The following SHISAL2A variants were observed in gnomAD, a reference collection of about 807,000 sequenced individuals.
SHISAL2A encodes the protein shisa like 2A, also known as protein shisa-like-2A.
SHISAL2A carries 18 observed loss-of-function variants against 11.5 expected under a neutral mutation model. That is an observed-to-expected ratio of 1.57 (90% confidence interval 1.08 to 2.33). The LOEUF (loss-of-function observed/expected upper bound fraction) is 2.33, where lower values mean the gene tolerates loss of function less well. SHISAL2A is among the 30% of genes most tolerant of loss of function. The pLI is 0.00. For missense variants in SHISAL2A, 261 were observed against 250.9 expected (o/e 1.04, Z -0.27); for synonymous variants, 94 against 99.6 (o/e 0.94, Z 0.34).
intron 4 of SHISAL2A, among the ~76,000 whole-genome samples, chr1:52,665,976 G>T (rs545654423): frequency 6.6e-6 from 1 of 152,204 alleles, no homozygotes; most frequent in Admixed American, 6.5e-5. Context: ...CTGGGCTGTG[G>T]ACTTGAGACC....
At chr1:52,654,816 C>T (rs1189331301) in intron 2 of SHISAL2A, among the ~76,000 whole-genome samples, 3 of 152,134 alleles carry the variant, frequency 2.0e-5, no homozygotes, top group Non-Finnish European at 2.9e-5. Flanking sequence ...AATTTTAATG[C>T]TGTGAAAGAT....
intron 2 of SHISAL2A, among the ~76,000 whole-genome samples, chr1:52,647,561 C>A (rs1362391471): frequency 2.6e-5 from 4 of 151,974 alleles, no homozygotes; most frequent in Non-Finnish European, 5.9e-5. Flanking sequence ...AATGATACAT[C>A]CAGGCCAGGC....
At chr1:52,651,532 C>T (rs769587502) in intron 2 of SHISAL2A, among the ~76,000 whole-genome samples, 15 of 151,940 alleles carry the variant, frequency 9.9e-5, no homozygotes, top group Middle Eastern at 3.2e-3. Flanking sequence ...CCACTGTGCC[C>T]GGCCCAACAA....
Position 52,633,505 on chromosome 1 carries a change from C to T in SHISAL2A, c.12C>T (p.Ala4=). The change falls in exon 1 of 3, where the codon GCC becomes GCT. Residue 4 remains alanine, a synonymous_variant. Transcript: ENST00000517870. The surrounding 1 kb of genome is among the most constrained non-coding windows in gnomAD (Gnocchi z 6.4). MSG[A]CTSYVSAEQE... is the part of the protein sequence containing the mutation. ...GGGCGCGGGGCGCGATGAGCGGCGC[C>T]TGCACGAGCTACGTGAGCGCAGAGC... 6 of 1,532,976 alleles carry T rather than the reference C, an allele frequency of 3.9e-6. No individual in the cohort carries two copies. The highest frequency in any genetic ancestry group is 5.2e-6 in the Non-Finnish European group (6 of 1,145,788). 95.0% of individuals were successfully genotyped at this position (1,532,976 alleles called of 1,614,324 possible). A position where few individuals can be genotyped will look rare whatever the true frequency, so the allele number is the denominator to read the frequency against.
downstream of SHISAL2A, among the ~76,000 whole-genome samples, chr1:52,661,847 C>T (rs573210218): frequency 2.6e-3 from 398 of 152,266 alleles, no homozygotes; most frequent in Non-Finnish European, 4.3e-3. Context: ...GCCTGGTCAA[C>T]ATGGTGAAAC....
At chr1:52,663,355 C>G (rs910931048) in intron 4 of SHISAL2A, among the ~76,000 whole-genome samples, 6 of 152,200 alleles carry the variant, frequency 3.9e-5, no homozygotes, top group African/African-American at 2.4e-5. Flanking sequence ...CCGCCCTCCC[C>G]GCAACCACCC....
chr1:52,645,396 C>CGTTTT (rs56655042), intron 2 of SHISAL2A, among the ~76,000 whole-genome samples: 13,130 of 150,236 alleles, frequency 0.087, 708 homozygotes, highest in African/African-American at 0.15. Context: ...GAGGCTTCAA[C>CGTTTT]GTTTTGTTTT....
chr1:52,648,075 C>CATATATAATTATATATTAACATATCTAAT (rs34263327), intron 2 of SHISAL2A, among the ~76,000 whole-genome samples: 1 of 146,992 alleles, frequency 6.8e-6, no homozygotes, highest in African/African-American at 2.5e-5. Context: ...ATTAATATAT[C>CATATATAATTATATATTAACATATCTAAT]ATATAATTAT....
Position 52,665,502 on chromosome 1 carries a change from T to C in SHISAL2A, n.696-1897T>C, listed in dbSNP as rs1415101004. Among the ~76,000 whole-genome samples, 3 of 152,116 alleles carry C rather than the reference T, an allele frequency of 2.0e-5. No individual in the cohort carries two copies. In the East Asian group the frequency reaches 5.8e-4, roughly 29 times the overall value. On this transcript the variant is annotated intron_variant and non_coding_transcript_variant, in intron 4 of 5. Coordinates refer to the SHISAL2A transcript ENST00000401050. ...ACAGCCTCATTATCATTCAGACTTATCATGAGCTCATCACCCTTCCTCCAA... is the reference window on the plus strand; with the variant it reads ...ACAGCCTCATTATCATTCAGACTTACCATGAGCTCATCACCCTTCCTCCAA...
rs1284657598 is a variant in SHISAL2A, at chr1:52,656,870, C to A, written c.403C>A (p.Gln135Lys). The A allele has an allele frequency of 6.2e-7, 1 of 1,614,062 alleles. No homozygotes were observed. The highest frequency in any genetic ancestry group is 1.3e-5 in the African/African-American group (1 of 74,914). ...AEVPKVSPLQ[Q>K]SYSCLNPQLE... ...AGTGCCAAAAGTGAGCCCTCTCCAG[C>A]AGAGTTACTCCTGCTTGAACCCGCA... The change falls in exon 3 of 3, where the codon CAG becomes AAG. Residue 135 changes from glutamine (Q) to lysine (K), a missense_variant. Physicochemically the swap from Gln to Lys is moderately conservative, Grantham distance 53 (BLOSUM62 1). Coordinates refer to ENST00000517870, the MANE Select transcript of SHISAL2A (RefSeq NM_001042693.3).
At chr1:52,662,913 A>T (rs1318302458) in intron 4 of SHISAL2A, among the ~76,000 whole-genome samples, 1 of 152,250 alleles carries the variant, frequency 6.6e-6, no homozygotes, top group Non-Finnish European at 1.5e-5. Context: ...TTATTCAAGC[A>T]CAGGGCAAAA....
intron 4 of SHISAL2A, among the ~76,000 whole-genome samples, chr1:52,663,080 A>T (rs1439770514): frequency 6.6e-6 from 1 of 152,168 alleles, no homozygotes; most frequent in East Asian, 1.9e-4. Context: ...TGGCTGCTGT[A>T]GGTTACCATG....
At chr1:52,649,975 A>G (rs764778851) in intron 2 of SHISAL2A, among the ~76,000 whole-genome samples, 30 of 152,124 alleles carry the variant, frequency 2.0e-4, no homozygotes, top group Non-Finnish European at 1.6e-4. Flanking sequence ...GCCCAGAGAG[A>G]GGCAGTCATG....
intron 2 of SHISAL2A, among the ~76,000 whole-genome samples, chr1:52,648,180 C>A (rs895295630): frequency 6.7e-6 from 1 of 149,460 alleles, no homozygotes; most frequent in Non-Finnish European, 1.5e-5. Context: ...TATATATATA[C>A]CCTGTTACTC....
At chr1:52,643,842 G>A (rs1691428072) in intron 2 of SHISAL2A, among the ~76,000 whole-genome samples, 1 of 144,586 alleles carries the variant, frequency 6.9e-6, no homozygotes, top group Non-Finnish European at 1.5e-5. Context: ...GACAGAGTGA[G>A]ACTGTCTCAG....
downstream of SHISAL2A, among the ~76,000 whole-genome samples, chr1:52,658,688 A>T (rs1691846622): frequency 6.6e-6 from 1 of 152,232 alleles, no homozygotes; most frequent in South Asian, 2.1e-4. Flanking sequence ...TCTGATCGCA[A>T]AGGAATCTTA....
chr1:52,634,492 A>G (rs1397382987), intron 1 of SHISAL2A, among the ~76,000 whole-genome samples: 1 of 152,224 alleles, frequency 6.6e-6, no homozygotes, highest in Non-Finnish European at 1.5e-5. Flanking sequence ...AAGCTAGCTC[A>G]GGCCATATTC....
At position 52,656,827 on chromosome 1, in the gene SHISAL2A, C is replaced by G; in HGVS notation, c.360C>G (p.Asn120Lys). The G allele has an allele frequency of 6.2e-7, 1 of 1,613,872 alleles. No homozygotes were observed. The highest frequency in any genetic ancestry group is 1.3e-5 in the African/African-American group (1 of 75,026). The stretch of plus-strand genomic sequence containing the variant: ...TTTCTCCTGACTGCCAAGGTGTGAA[C>G]ACAGGCATGGCGGCAGAAGTGCCAA... ...EEVSPDCQGV[N>K]TGMAAEVPKV... Residue 120 changes from asparagine (N) to lysine (K), a missense_variant, in exon 3 of 3, where the codon AAC becomes AAG. Asn to Lys is a moderately conservative substitution (Grantham distance 94, BLOSUM62 0). Transcript: ENST00000517870.
chr1:52,643,099 T>C (rs1161243132), intron 2 of SHISAL2A, 97 bp downstream of exon 2: 5 of 1,253,652 alleles, frequency 4.0e-6, no homozygotes, highest in Non-Finnish European at 5.6e-6. Context: ...ATTTGCCTCA[T>C]GACTATTCCT....
Sources: allele counts gnomAD v4.1 joint callset (sites outside exome capture counted in the v4.1 genomes callset), GRCh38; gene constraint gnomAD v4.1.1; non-coding constraint Gnocchi (gnomAD v3.1); transcripts MANE v1.5; gene names NCBI Gene and HGNC (gene_info 2026-07-23, HGNC 2026-07-21).